Variants in ADGRA3 observed in about 807,000 individuals in gnomAD.
ADGRA3 encodes adhesion G protein-coupled receptor A3, also known as G-protein coupled receptor 125.
In ADGRA3, 56 loss-of-function variants were observed where a neutral mutation model predicts 119.8. That is an observed-to-expected ratio of 0.47 (90% CI 0.38 to 0.58). The LOEUF (loss-of-function observed/expected upper bound fraction) is 0.58, where lower values mean the gene tolerates loss of function less well. Ranked by LOEUF, ADGRA3 falls within the 20% of genes least tolerant of loss-of-function variation. The probability of loss-of-function intolerance (pLI) is 0.00; values close to 1 mark genes in which losing one functional copy is unlikely to be tolerated. For missense variants in ADGRA3, 1,516 were observed against 1,649.0 expected, an observed-to-expected ratio of 0.92 and a Z score of 1.40; for synonymous variants, 607 against 623.8, an observed-to-expected ratio of 0.97 and a Z score of 0.40.
At chr4:22,450,959 T>C (rs927599528) in intron 4 of ADGRA3, among the ~76,000 whole-genome samples, 6 of 146,846 alleles carry the variant, frequency 4.1e-5, no homozygotes, top group Non-Finnish European at 7.5e-5. Context: ...AAAATATATA[T>C]ATATATATAT....
Position 22,515,799 on chromosome 4 carries a change from C to G in ADGRA3, c.-15G>C. Reference sequence around the variant, plus strand: ...GGTGGCTCCATGCTGCGGGCCGGGGCCTGCGGGGCGAGCGGCGGCGCACTG... The same window carrying G: ...GGTGGCTCCATGCTGCGGGCCGGGGGCTGCGGGGCGAGCGGCGGCGCACTG... On this transcript the variant is annotated 5_prime_UTR_variant, in exon 1 of 19. Coordinates refer to ENST00000334304, the MANE Select transcript of ADGRA3 (RefSeq NM_145290.4). 1 of 996,696 alleles carries G rather than the reference C, an allele frequency of 1.0e-6. No homozygotes were observed. The allele number at this position is 996,696 out of a possible 1,614,324, so 61.7% of individuals were successfully genotyped here. A position where few individuals can be genotyped will look rare whatever the true frequency, so the allele number is the denominator to read the frequency against.
chr4:22,418,270 C>G (rs1715507644), intron 12 of ADGRA3, among the ~76,000 whole-genome samples: 1 of 152,178 alleles, frequency 6.6e-6, no homozygotes, highest in African/African-American at 2.4e-5. Flanking sequence ...GGCCTGCCCT[C>G]AGGCAACCAA....
At chr4:22,392,209 T>C (rs1714161302) in intron 17 of ADGRA3, among the ~76,000 whole-genome samples, 1 of 152,212 alleles carries the variant, frequency 6.6e-6, no homozygotes, top group Admixed American at 6.5e-5. Context: ...ACATAAGACC[T>C]CAAGGAAATA....
At chr4:22,453,861 A>AT in intron 4 of ADGRA3, among the ~76,000 whole-genome samples, 1 of 149,640 alleles carries the variant, frequency 6.7e-6, no homozygotes, top group East Asian at 2.0e-4. Flanking sequence ...TTTTTTTTTT[A>AT]TTTTTTTGAG....
At chr4:22,392,435 C>G in intron 17 of ADGRA3, 110 bp downstream of exon 17, 1 of 1,305,732 alleles carries the variant, frequency 7.7e-7, no homozygotes, top group South Asian at 1.3e-5. Context: ...GTCCTGCATA[C>G]AAGTCCGTTC....
chr4:22,513,275 T>C (rs1007107654), intron 1 of ADGRA3, among the ~76,000 whole-genome samples: 1 of 151,326 alleles, frequency 6.6e-6, no homozygotes, highest in Admixed American at 6.6e-5. Context: ...GCCTCCCGAG[T>C]AGCGACTAGC....
chr4:22,420,912 T>C lies in ADGRA3; in HGVS notation c.1783A>G (p.Asn595Asp). The C allele has an allele frequency of 6.2e-7, 1 of 1,614,096 alleles. No individual in the cohort carries two copies. The highest frequency in any genetic ancestry group is 1.3e-5 in the African/African-American group (1 of 75,036). The stretch of plus-strand genomic sequence containing the variant: ...TTTAGTGCCAGACTCGAAAATGTAT[T>C]TGAAACATTGCACTTAAAGCTCAGC... ...KQLSFKCNVS[N>D]TFSSLALKNT... The change falls in exon 12 of 19, where the codon AAT becomes GAT. Residue 595 changes from asparagine to aspartate, a missense_variant. By Grantham distance (23) the Asn-to-Asp change is conservative. Coordinates refer to ENST00000334304, the MANE Select transcript of ADGRA3 (RefSeq NM_145290.4).
chr4:22,395,007 T>C (rs1168258017), intron 16 of ADGRA3: 1 of 152,218 alleles, frequency 6.6e-6, no homozygotes, highest in Non-Finnish European at 1.5e-5. Flanking sequence ...TCTCACACTT[T>C]GTCTACATGA....
chr4:22,391,358 T>G (rs1315332515), intron 17 of ADGRA3, among the ~76,000 whole-genome samples: 1 of 152,096 alleles, frequency 6.6e-6, no homozygotes, highest in African/African-American at 2.4e-5. Flanking sequence ...TATTTCTCAG[T>G]TGATGGAAAC....
At chr4:22,443,027 G>T in intron 6 of ADGRA3, 164 bp from the exon 7 acceptor site, 1 of 686,932 alleles carries the variant, frequency 1.5e-6, no homozygotes, top group South Asian at 1.7e-5. Flanking sequence ...TGAGTTTAGT[G>T]ATAACAGATT....
chr4:22,409,811 T>C (rs938007910), intron 14 of ADGRA3, among the ~76,000 whole-genome samples: 1 of 152,168 alleles, frequency 6.6e-6, no homozygotes, highest in Non-Finnish European at 1.5e-5. Context: ...GAACATATAC[T>C]CATTTTTGTT....
At chr4:22,405,171 C>T (rs1047525599) in intron 14 of ADGRA3, among the ~76,000 whole-genome samples, 4 of 152,068 alleles carry the variant, frequency 2.6e-5, no homozygotes, top group East Asian at 1.9e-4. Flanking sequence ...TGGATACCAT[C>T]GAATAAAACA....
chr4:22,426,187 G>A (rs764446189), intron 10 of ADGRA3, among the ~76,000 whole-genome samples: 8 of 152,234 alleles, frequency 5.3e-5, no homozygotes, highest in African/African-American at 1.7e-4. Context: ...CTGTGTTCAC[G>A]TAAAAATAGG....
At chr4:22,459,594 T>C (rs1048631019) in intron 3 of ADGRA3, among the ~76,000 whole-genome samples, 1 of 151,820 alleles carries the variant, frequency 6.6e-6, no homozygotes, top group Non-Finnish European at 1.5e-5. Context: ...AAAGCAGCCA[T>C]ACCCAGTGTT....
chr4:22,508,588 T>G (rs552439502), intron 1 of ADGRA3, among the ~76,000 whole-genome samples: 75 of 152,324 alleles, frequency 4.9e-4, no homozygotes, highest in African/African-American at 1.8e-3. Context: ...CTTGATCCAA[T>G]GGCTCTGCTG....
At chr4:22,489,833 A>G (rs1305143717) in intron 1 of ADGRA3, among the ~76,000 whole-genome samples, 4 of 152,208 alleles carry the variant, frequency 2.6e-5, no homozygotes, top group African/African-American at 9.7e-5. Flanking sequence ...CAATTATTCA[A>G]AATGAGACAG....
chr4:22,513,865 A>C lies in ADGRA3; in HGVS notation c.257+1663T>G, dbSNP rs959180760. Among the ~76,000 whole-genome samples, 34 of 151,410 alleles carry C rather than the reference A, an allele frequency of 2.2e-4. 1 individual carries two copies. Among genetic ancestry groups the C allele is most frequent in the South Asian group, 6.2e-4 (3 of 4,808 alleles). The stretch of plus-strand genomic sequence containing the variant: ...TCAGGCAAAAAAAAAAAAAAAAAAA[A>C]AAAAAAAAACTGGATTGAAATGACA... On this transcript the variant is annotated intron_variant, in intron 1 of 18. Coordinates refer to ENST00000334304, the MANE Select transcript of ADGRA3 (RefSeq NM_145290.4).
intron 1 of ADGRA3, among the ~76,000 whole-genome samples, chr4:22,507,041 T>A (rs1316868371): frequency 6.6e-6 from 1 of 150,560 alleles, no homozygotes; most frequent in Non-Finnish European, 1.5e-5. Flanking sequence ...CTGGAGAGTA[T>A]CCTTGCTAAC....
chr4:22,422,440 C>T (rs1715742884), intron 11 of ADGRA3, among the ~76,000 whole-genome samples: 1 of 152,110 alleles, frequency 6.6e-6, no homozygotes, highest in Non-Finnish European at 1.5e-5. Flanking sequence ...ACAATGTAAA[C>T]ACAGTGAAAA....
Sources: allele counts gnomAD v4.1 joint callset (sites outside exome capture counted in the v4.1 genomes callset), GRCh38; gene constraint gnomAD v4.1.1; transcripts MANE v1.5; gene names NCBI Gene and HGNC (gene_info 2026-07-23, HGNC 2026-07-21).